ZPBP: variants seen among roughly 807,000 people sequenced by gnomAD.
ZPBP encodes zona pellucida-binding protein 1.
A neutral mutation model predicts 44.8 loss-of-function variants in ZPBP; 26 were observed. The observed-to-expected ratio is 0.58, with a 90% CI of 0.43 to 0.81. The LOEUF is 0.81. ZPBP is among the 30% of genes least tolerant of loss of function. The pLI is 0.00. For synonymous variants in ZPBP, 174 were observed against 153.2 expected (o/e 1.14, Z -1.00); for missense variants, 409 against 434.0 (o/e 0.94, Z 0.51).
intron 2 of ZPBP, among the ~76,000 whole-genome samples, chr7:49,889,060 T>C (rs1418048081): frequency 6.6e-6 from 1 of 152,248 alleles, no homozygotes; most frequent in Non-Finnish European, 1.5e-5. Flanking sequence ...TGCTGCTTTC[T>C]GAATTGGAGT....
chr7:50,019,071 G>A (rs1042828209), intron 5 of ZPBP, among the ~76,000 whole-genome samples: 19 of 152,064 alleles, frequency 1.2e-4, no homozygotes, highest in African/African-American at 4.1e-4. Flanking sequence ...AATAAACACA[G>A]GTATAATGTA....
At chr7:49,877,491 T>C (rs746253435) in intron 2 of ZPBP, among the ~76,000 whole-genome samples, 483 of 35,504 alleles carry the variant, frequency 0.014, 76 homozygotes, top group East Asian at 0.039. Flanking sequence ...AATATATATA[T>C]ATATATATAT....
At chr7:50,013,451 C>A (rs1257180487) in intron 6 of ZPBP, among the ~76,000 whole-genome samples, 1 of 151,926 alleles carries the variant, frequency 6.6e-6, no homozygotes, top group Non-Finnish European at 1.5e-5. Flanking sequence ...AATAAAATTT[C>A]TGTCTAAAGC....
At chr7:50,057,925 T>G in intron 4 of ZPBP, 64 bp downstream of exon 4, 1 of 1,472,074 alleles carries the variant, frequency 6.8e-7, no homozygotes, top group South Asian at 1.2e-5. Flanking sequence ...CAAGCCTACT[T>G]AAACATATTT....
chr7:49,943,500 C>A, intron 7 of ZPBP: 1 of 433,408 alleles, frequency 2.3e-6, no homozygotes, highest in South Asian at 1.9e-5. Context: ...ACCCAACACT[C>A]ATCTGTTTCT....
chr7:50,002,490 T>G (rs553876534), intron 6 of ZPBP, among the ~76,000 whole-genome samples: 84 of 152,284 alleles, frequency 5.5e-4, no homozygotes, highest in Middle Eastern at 3.4e-3. Flanking sequence ...CCCAAGGTGC[T>G]TAGATTACAG....
intron 2 of ZPBP, among the ~76,000 whole-genome samples, chr7:49,886,603 T>A (rs1432899593): frequency 1.3e-5 from 2 of 152,220 alleles, no homozygotes; most frequent in Admixed American, 6.5e-5. Context: ...GTGTAGTATT[T>A]TTTTTACTTT....
At chr7:49,922,692 A>T (rs1219814507) in intron 1 of ZPBP, among the ~76,000 whole-genome samples, 1 of 152,218 alleles carries the variant, frequency 6.6e-6, no homozygotes, top group Non-Finnish European at 1.5e-5. Flanking sequence ...AAATGGAGCA[A>T]AATTTAGAGT....
At chr7:49,864,642 TG>T (rs757851740) in intron 2 of ZPBP, among the ~76,000 whole-genome samples, 2 of 152,330 alleles carry the variant, frequency 1.3e-5, no homozygotes, top group East Asian at 3.9e-4. Flanking sequence ...CCATCCCGAA[TG>T]GCTTCTGAGT....
At chr7:49,885,288 G>A (rs775253963) in intron 2 of ZPBP, among the ~76,000 whole-genome samples, 46 of 151,798 alleles carry the variant, frequency 3.0e-4, no homozygotes, top group Admixed American at 5.9e-4. Context: ...TAAAATGAGA[G>A]GTAATTTCTC....
At chr7:49,920,087 T>C (rs971464781) in intron 1 of ZPBP, 3 of 152,142 alleles carry the variant, frequency 2.0e-5, no homozygotes, top group Non-Finnish European at 2.9e-5. Flanking sequence ...GGACAAATCA[T>C]GTTATTATAA....
chr7:49,964,871 C>T (rs1795997969), intron 7 of ZPBP, among the ~76,000 whole-genome samples: 1 of 152,058 alleles, frequency 6.6e-6, no homozygotes, highest in Non-Finnish European at 1.5e-5. Context: ...ACTTCTGAGG[C>T]TAGGTCATAA....
chr7:49,899,114 C>G (rs1468126585), intron 2 of ZPBP, among the ~76,000 whole-genome samples: 1 of 152,012 alleles, frequency 6.6e-6, no homozygotes, highest in Middle Eastern at 3.2e-3. Context: ...GACACATAGA[C>G]TATCCCCCCT....
chr7:50,036,996 A>G (rs1799857878), intron 4 of ZPBP, among the ~76,000 whole-genome samples: 1 of 152,074 alleles, frequency 6.6e-6, no homozygotes, highest in African/African-American at 2.4e-5. Context: ...GTAAAATTTA[A>G]TATATAAAGA....
intron 2 of ZPBP, among the ~76,000 whole-genome samples, chr7:49,858,688 A>C (rs1370043846): frequency 6.6e-6 from 1 of 151,210 alleles, no homozygotes; most frequent in African/African-American, 2.5e-5. Context: ...TGTACCCTAA[A>C]ACTTAAAGTA....
At chr7:50,089,493 T>C (rs1802839575) in intron 2 of ZPBP, 136 bp downstream of exon 2, 2 of 670,456 alleles carry the variant, frequency 3.0e-6, no homozygotes, top group Non-Finnish European at 5.2e-6. Context: ...CAAACAACTT[T>C]AATCCACTTC....
chr7:50,033,678 G>GTTTGTTTGTTTATTTATTTA lies in ZPBP; in HGVS notation c.488-2369_488-2368insTAAATAAATAAACAAACAAA, dbSNP rs143206693. On this transcript the variant is annotated intron_variant, in intron 4 of 7. Coordinates refer to ENST00000046087, the MANE Select transcript of ZPBP (RefSeq NM_007009.3). ...AACGTCAATAATTATTCTTTCTACA[G>GTTTGTTTGTTTATTTATTTA]TTTATTTATTTATTTATTTATTTAT... Among the ~76,000 whole-genome samples the GTTTGTTTGTTTATTTATTTA allele has an allele frequency of 4.3e-3, 647 of 148,824 alleles. 2 individuals are homozygous for GTTTGTTTGTTTATTTATTTA. Among genetic ancestry groups the GTTTGTTTGTTTATTTATTTA allele is most frequent in the Admixed American group, 5.4e-3 (81 of 14,926 alleles).
At chr7:49,877,958 A>G (rs1000967813) in intron 2 of ZPBP, among the ~76,000 whole-genome samples, 2 of 152,028 alleles carry the variant, frequency 1.3e-5, no homozygotes, top group Non-Finnish European at 2.9e-5. Context: ...GTTTAGTGCC[A>G]TATCATTTGG....
intron 1 of ZPBP, chr7:49,912,783 G>A (rs1793526784): frequency 6.6e-6 from 1 of 152,118 alleles, no homozygotes; most frequent in South Asian, 2.1e-4. Flanking sequence ...TTCATTCTCA[G>A]TCACTTGTGA....
Sources: allele counts gnomAD v4.1 joint callset (sites outside exome capture counted in the v4.1 genomes callset), GRCh38; gene constraint gnomAD v4.1.1; transcripts MANE v1.5; gene names NCBI Gene and HGNC (gene_info 2026-07-23, HGNC 2026-07-21).